The following TMEM245 variants were observed in gnomAD, a reference collection of about 807,000 sequenced individuals.
The protein encoded by TMEM245 is transmembrane protein 245.
A neutral mutation model predicts 101.2 loss-of-function variants in TMEM245; 69 were observed. That is an observed-to-expected ratio of 0.68 (90% CI 0.56 to 0.83). The LOEUF (loss-of-function observed/expected upper bound fraction) is 0.83, where lower values mean the gene tolerates loss of function less well. Ranked by LOEUF, TMEM245 falls within the 40% of genes least tolerant of loss-of-function variation. TMEM245 has a pLI of 0.00. For synonymous variants in TMEM245, 537 were observed against 449.8 expected (o/e 1.19, Z -2.45); for missense variants, 1,075 against 1,092.8 (o/e 0.98, Z 0.23).
At chr9:109,113,473 C>T (rs1199635329) in intron 1 of TMEM245, among the ~76,000 whole-genome samples, 2 of 152,170 alleles carry the variant, frequency 1.3e-5, no homozygotes, top group African/African-American at 4.8e-5. Flanking sequence ...ATGTCCTTTT[C>T]AAAATATACA....
chr9:109,090,304 C>T (rs555145829), intron 5 of TMEM245, among the ~76,000 whole-genome samples: 24 of 152,062 alleles, frequency 1.6e-4, no homozygotes, highest in Non-Finnish European at 2.8e-4. Context: ...TTCCAAAACA[C>T]AGATATTGTT....
At chr9:109,105,238 A>G (rs1830379785) in intron 3 of TMEM245, among the ~76,000 whole-genome samples, 1 of 152,246 alleles carries the variant, frequency 6.6e-6, no homozygotes, top group Non-Finnish European at 1.5e-5. Flanking sequence ...AATGGCCAAA[A>G]AGCAAATGAA....
chr9:109,051,078 G>A (rs1376172396), intron 12 of TMEM245, among the ~76,000 whole-genome samples: 1 of 151,850 alleles, frequency 6.6e-6, no homozygotes, highest in East Asian at 1.9e-4. Context: ...ATCACTTGAG[G>A]TCAGGAGTTC....
intron 7 of TMEM245, among the ~76,000 whole-genome samples, chr9:109,084,903 T>G (rs1294849215): frequency 6.6e-6 from 1 of 152,040 alleles, no homozygotes; most frequent in South Asian, 2.1e-4. Flanking sequence ...CATTGTCAAG[T>G]CTCCCCTCTC....
intron 7 of TMEM245, 31 bp downstream of exon 7, chr9:109,085,965 TA>T: frequency 6.2e-7 from 1 of 1,611,598 alleles, no homozygotes; most frequent in Non-Finnish European, 8.5e-7. Context: ...CGGAATTCAA[TA>T]GTAAAAACCA....
chr9:109,102,722 C>G (rs772538353), intron 3 of TMEM245, among the ~76,000 whole-genome samples: 1 of 152,190 alleles, frequency 6.6e-6, no homozygotes, highest in Non-Finnish European at 1.5e-5. Flanking sequence ...CCTTTTGTTT[C>G]TCTGTATTTC....
intron 12 of TMEM245, among the ~76,000 whole-genome samples, chr9:109,056,440 CAAAAAAA>C (rs753175633): frequency 1.4e-4 from 5 of 36,768 alleles, no homozygotes; most frequent in Admixed American, 4.4e-4. Context: ...ACTAAAAATG[CAAAAAAA>C]AAAAAAAAAA....
chr9:109,032,401 T>TTTTTTTTTTTTTTTTTTTTTTTTTTTTTA (rs1827984083), intron 17 of TMEM245, among the ~76,000 whole-genome samples: 1 of 105,120 alleles, frequency 9.5e-6, no homozygotes. Flanking sequence ...TTTTTTTTTT[T>TTTTTTTTTTTTTTTTTTTTTTTTTTTTTA]GAGACAAGAG....
chr9:109,038,015 A>T lies in TMEM245; in HGVS notation c.2224+2T>A. The T allele has an allele frequency of 6.2e-7, 1 of 1,604,948 alleles. No individual in the cohort carries two copies. Among genetic ancestry groups the T allele is most frequent in the East Asian group, 2.2e-5 (1 of 44,520 alleles). On this transcript the variant is annotated splice_donor_variant, in intron 15 of 17. Coordinates refer to ENST00000374586, the MANE Select transcript of TMEM245 (RefSeq NM_032012.4). LOFTEE classifies it high-confidence loss of function. ...TAGTGGAAGGTACAATATGGTTGTTACCTGATGGTATGAAGACAATATTGA... is the reference window on the plus strand; with the variant it reads ...TAGTGGAAGGTACAATATGGTTGTTTCCTGATGGTATGAAGACAATATTGA...
At chr9:109,084,743 G>T (rs941609592) in intron 7 of TMEM245, among the ~76,000 whole-genome samples, 1 of 152,084 alleles carries the variant, frequency 6.6e-6, no homozygotes, top group Non-Finnish European at 1.5e-5. Flanking sequence ...ATTTTAAAAC[G>T]TGACTTATAT....
chr9:109,093,736 A>G, intron 3 of TMEM245, 145 bp from the exon 4 acceptor site: 1 of 710,196 alleles, frequency 1.4e-6, no homozygotes, highest in South Asian at 1.6e-5. Flanking sequence ...CCAAGGAAGA[A>G]CCATTAAGAA....
chr9:109,027,668 G>A (rs191395164), intron 17 of TMEM245, among the ~76,000 whole-genome samples: 36 of 150,312 alleles, frequency 2.4e-4, no homozygotes, highest in Non-Finnish European at 3.9e-4. Context: ...CAGCTTCTGA[G>A]TGTCTCACTC....
In TMEM245 at chr9:109,119,540, A is replaced by G. The variant is rs764919174; in HGVS notation, c.374T>C (p.Leu125Pro). ...GTAGTCGACGAAGCAGAGCGGCAGG[A>G]GCAGCGCGGCCAGGACGATGGGCGT... ...AHTPIVLAALLLPLCFVDYGV... is the reference protein window; with the variant it reads ...AHTPIVLAALPLPLCFVDYGV... Residue 125 changes from leucine (L) to proline (P), a missense_variant, in exon 1 of 18, where the codon CTC (leucine) becomes CCC (proline). Transcript: ENST00000374586. The G allele has an allele frequency of 1.3e-6, 2 of 1,530,378 alleles. No homozygotes were observed. Among genetic ancestry groups the G allele is most frequent in the Non-Finnish European group, 1.7e-6 (2 of 1,144,218 alleles). The allele number at this position is 1,530,378 out of a possible 1,614,324, so 94.8% of individuals were successfully genotyped here. A position where few individuals can be genotyped will look rare whatever the true frequency, so the allele number is the denominator to read the frequency against.
At chr9:109,063,872 C>T (rs779193765) in intron 10 of TMEM245, among the ~76,000 whole-genome samples, 1 of 152,208 alleles carries the variant, frequency 6.6e-6, no homozygotes, top group Non-Finnish European at 1.5e-5. Context: ...CAAGGTTTAT[C>T]TCAAGTGCCA....
At position 109,080,832 on chromosome 9, in the gene TMEM245, A is replaced by G; in HGVS notation, c.1449+7T>C. 1 of 1,510,406 alleles carries G rather than the reference A, an allele frequency of 6.6e-7. No homozygotes were observed. The allele number at this position is 1,510,406 out of a possible 1,614,324, so 93.6% of individuals were successfully genotyped here. A position where few individuals can be genotyped will look rare whatever the true frequency, so the allele number is the denominator to read the frequency against. ...TATTAATGAGAATAATAATCACTGT[A>G]CTCTACCTTTGCAGTCAGGAGTAGG... On this transcript the variant is annotated splice_region_variant and intron_variant, in intron 8 of 17. Transcript: ENST00000374586.
intron 11 of TMEM245, among the ~76,000 whole-genome samples, chr9:109,058,999 G>A (rs1828930114): frequency 6.6e-6 from 1 of 152,136 alleles, no homozygotes; most frequent in African/African-American, 2.4e-5. Flanking sequence ...GATACTGGGG[G>A]ACAATTGTAC....
intron 3 of TMEM245, among the ~76,000 whole-genome samples, chr9:109,101,055 T>A (rs918576176): frequency 6.6e-6 from 1 of 152,072 alleles, no homozygotes; most frequent in Non-Finnish European, 1.5e-5. Flanking sequence ...TAAGCTGCAG[T>A]GAGCTATGGT....
At chr9:109,085,700 T>A (rs571245413) in intron 7 of TMEM245, among the ~76,000 whole-genome samples, 1 of 152,336 alleles carries the variant, frequency 6.6e-6, no homozygotes, top group South Asian at 2.1e-4. Context: ...GACTAGAATA[T>A]CAGGCTGAGC....
At chr9:109,073,856 G>GT (rs904054098) in intron 8 of TMEM245, among the ~76,000 whole-genome samples, 41,850 of 119,072 alleles carry the variant, frequency 0.35, 8,448 homozygotes, top group Non-Finnish European at 0.43. Context: ...TTTTTTTTTT[G>GT]TTTTTTTTTT....
Sources: allele counts gnomAD v4.1 joint callset (sites outside exome capture counted in the v4.1 genomes callset), GRCh38; gene constraint gnomAD v4.1.1; transcripts MANE v1.5; gene names NCBI Gene and HGNC (gene_info 2026-07-23, HGNC 2026-07-21).